NOL4: variants seen among roughly 807,000 people sequenced by gnomAD.
NOL4 encodes the protein cancer/testis antigen 125.
In NOL4, 17 loss-of-function variants were observed where a neutral mutation model predicts 75.9. That is an observed-to-expected ratio of 0.22 (90% CI 0.15 to 0.34). The LOEUF (loss-of-function observed/expected upper bound fraction) is 0.34, where lower values mean the gene tolerates loss of function less well. NOL4 is among the 10% of genes least tolerant of loss of function. The pLI, the probability that NOL4 is intolerant of heterozygous loss-of-function variation, is 1.00. For missense variants in NOL4, 614 were observed against 793.5 expected (o/e 0.77, Z 2.72); for synonymous variants, 292 against 289.9 (o/e 1.01, Z -0.07).
At chr18:33,881,993 G>C (rs962235944) in intron 10 of NOL4, among the ~76,000 whole-genome samples, 2 of 152,148 alleles carry the variant, frequency 1.3e-5, no homozygotes, top group Admixed American at 6.6e-5. Context: ...GGGAAAACTG[G>C]CTAGCCATAT....
intron 2 of NOL4, among the ~76,000 whole-genome samples, chr18:34,127,004 C>T (rs1383414382): frequency 6.6e-6 from 1 of 151,262 alleles, no homozygotes. Context: ...ATAAAGAGAC[C>T]TAAGAGTCAC....
At chr18:34,143,691 G>A (rs1374818189) in intron 1 of NOL4, among the ~76,000 whole-genome samples, 1 of 151,570 alleles carries the variant, frequency 6.6e-6, no homozygotes, top group Non-Finnish European at 1.5e-5. Context: ...ACATGGAAAG[G>A]CTGTTTCTGC....
At chr18:34,194,390 G>T (rs1235626741) in intron 1 of NOL4, among the ~76,000 whole-genome samples, 1 of 149,042 alleles carries the variant, frequency 6.7e-6, no homozygotes, top group Non-Finnish European at 1.5e-5. Flanking sequence ...AAGAAGAAAA[G>T]AAAGATTAGG....
intron 5 of NOL4, among the ~76,000 whole-genome samples, chr18:34,062,396 T>C (rs1438127322): frequency 6.6e-6 from 1 of 152,052 alleles, no homozygotes; most frequent in Non-Finnish European, 1.5e-5. Flanking sequence ...AGATCTCATT[T>C]AGTACTGAAT....
intron 1 of NOL4, among the ~76,000 whole-genome samples, chr18:34,149,573 G>C (rs2081557303): frequency 6.6e-6 from 1 of 151,602 alleles, no homozygotes. Context: ...GATTTAGCAA[G>C]TAAGATCTGT....
chr18:34,214,598 A>G (rs2146589192), intron 1 of NOL4, among the ~76,000 whole-genome samples: 1 of 152,268 alleles, frequency 6.6e-6, no homozygotes, highest in South Asian at 2.1e-4. Context: ...TCAAATTATT[A>G]TTATTAGTAG....
chr18:33,985,341 G>A (rs1408271951), intron 6 of NOL4, among the ~76,000 whole-genome samples: 1 of 152,038 alleles, frequency 6.6e-6, no homozygotes, highest in Non-Finnish European at 1.5e-5. Context: ...GACCAATGGG[G>A]AAATAAAACC....
intron 5 of NOL4, among the ~76,000 whole-genome samples, chr18:34,024,999 G>A (rs746272151): frequency 2.0e-5 from 3 of 152,152 alleles, no homozygotes; most frequent in African/African-American, 4.8e-5. Context: ...AGTAGAATAC[G>A]CAATTAAAGG....
chr18:33,979,649 T>C (rs2071787732), intron 6 of NOL4, among the ~76,000 whole-genome samples: 1 of 151,978 alleles, frequency 6.6e-6, no homozygotes, highest in African/African-American at 2.4e-5. Flanking sequence ...AATATGTACT[T>C]TGAAATACTC....
chr18:34,060,508 T>C (rs1280829145), intron 5 of NOL4, among the ~76,000 whole-genome samples: 1 of 152,198 alleles, frequency 6.6e-6, no homozygotes, highest in African/African-American at 2.4e-5. Flanking sequence ...ATGTTATTAA[T>C]GGGTGGTGTT....
chr18:33,970,928 T>C (rs764094174), intron 6 of NOL4, among the ~76,000 whole-genome samples: 1 of 152,178 alleles, frequency 6.6e-6, no homozygotes, highest in African/African-American at 2.4e-5. Flanking sequence ...GTTTATGTCA[T>C]GCAAACACAA....
intron 6 of NOL4, among the ~76,000 whole-genome samples, chr18:33,959,166 C>T (rs1173258164): frequency 6.6e-6 from 1 of 151,992 alleles, no homozygotes; most frequent in Non-Finnish European, 1.5e-5. Context: ...CACATATTTC[C>T]ATGTAAAAAT....
chr18:34,155,365 T>C (rs1339132080), intron 1 of NOL4, among the ~76,000 whole-genome samples: 2 of 151,952 alleles, frequency 1.3e-5, no homozygotes. Flanking sequence ...TACTAATAAC[T>C]TGATAAAACA....
rs1014839180 is a variant in NOL4, at chr18:33,882,158, G to A, written c.1723+1086C>T. On this transcript the variant is annotated intron_variant, in intron 10 of 10. Coordinates refer to ENST00000261592, the MANE Select transcript of NOL4 (RefSeq NM_003787.5). ...ACATAGGCATGGACAAGGACTTCAT[G>A]TCTAAAACACCAAAAGCAATGGCAA... Among the ~76,000 whole-genome samples, 5 of 152,310 alleles carry A rather than the reference G, an allele frequency of 3.3e-5. No individual in the cohort carries two copies. The East Asian group carries it at 5.8e-4, about 18-fold the overall frequency.
At chr18:34,108,548 T>C (rs1353922091) in intron 2 of NOL4, among the ~76,000 whole-genome samples, 1 of 152,158 alleles carries the variant, frequency 6.6e-6, no homozygotes, top group East Asian at 1.9e-4. Flanking sequence ...GGGCTGGCTA[T>C]ATTCACATCA....
chr18:34,099,807 T>C (rs2078961768), intron 4 of NOL4, among the ~76,000 whole-genome samples: 1 of 152,180 alleles, frequency 6.6e-6, no homozygotes, highest in Non-Finnish European at 1.5e-5. Flanking sequence ...ATAACACTTC[T>C]ATTCTTTTGA....
At chr18:34,001,309 C>T (rs2073686010) in intron 6 of NOL4, among the ~76,000 whole-genome samples, 3 of 152,160 alleles carry the variant, frequency 2.0e-5, no homozygotes, top group Admixed American at 2.0e-4. Context: ...AACTACATTT[C>T]CTAATCACGG....
intron 5 of NOL4, among the ~76,000 whole-genome samples, chr18:34,065,078 A>G (rs776824380): frequency 6.6e-6 from 1 of 151,944 alleles, no homozygotes; most frequent in African/African-American, 2.4e-5. Context: ...CAGGCAGTCA[A>G]CTTGAATAAA....
At chr18:33,874,593 A>G (rs1055223856) in intron 10 of NOL4, among the ~76,000 whole-genome samples, 1 of 151,982 alleles carries the variant, frequency 6.6e-6, no homozygotes, top group Non-Finnish European at 1.5e-5. Flanking sequence ...GTAAAGAGCA[A>G]AAATCCATCT....
Sources: gnomAD v4.1 joint callset for allele counts (sites outside exome capture counted in the v4.1 genomes callset) on GRCh38, gnomAD v4.1.1 for gene constraint, MANE v1.5 for transcripts, NCBI Gene and HGNC (gene_info 2026-07-23, HGNC 2026-07-21) for gene names.